Variants in RPH3A observed in about 807,000 individuals in gnomAD.
RPH3A encodes rabphilin 3A.
A neutral mutation model predicts 102.2 loss-of-function variants in RPH3A; 48 were observed. That is an observed-to-expected ratio of 0.47 (90% CI 0.37 to 0.60). RPH3A has a LOEUF of 0.60. RPH3A is among the 20% of genes least tolerant of loss of function. RPH3A has a pLI of 0.00. For missense variants in RPH3A, 781 were observed against 910.1 expected (o/e 0.86, Z 1.83); for synonymous variants, 310 against 324.3 (o/e 0.96, Z 0.47).
At chr12:112,752,269 A>G (rs2040790229) in intron 1 of RPH3A, among the ~76,000 whole-genome samples, 2 of 152,186 alleles carry the variant, frequency 1.3e-5, no homozygotes, top group Non-Finnish European at 2.9e-5. Flanking sequence ...CACAAATGGT[A>G]TGGCTCATAG....
intron 1 of RPH3A, among the ~76,000 whole-genome samples, chr12:112,614,017 GA>G (rs532862744): frequency 2.5e-4 from 38 of 152,254 alleles, no homozygotes; most frequent in African/African-American, 8.2e-4. Flanking sequence ...GATACGCTTT[GA>G]AGTTAGAGGA....
chr12:112,736,647 A>G (rs1171379407), intron 1 of RPH3A, among the ~76,000 whole-genome samples: 1 of 152,194 alleles, frequency 6.6e-6, no homozygotes, highest in Non-Finnish European at 1.5e-5. Context: ...TAAATGCCTT[A>G]AAGATTTAAA....
intron 1 of RPH3A, among the ~76,000 whole-genome samples, chr12:112,602,881 A>G (rs1701380181): frequency 1.3e-5 from 2 of 152,188 alleles, no homozygotes; most frequent in Non-Finnish European, 2.9e-5. Context: ...GGGCTCCTAC[A>G]GCAAAAGACA....
At chr12:112,710,880 C>G (rs2040456182) in intron 1 of RPH3A, among the ~76,000 whole-genome samples, 1 of 152,066 alleles carries the variant, frequency 6.6e-6, no homozygotes, top group Admixed American at 6.6e-5. Flanking sequence ...ACATGAGTCT[C>G]TTATGTAACA....
intron 1 of RPH3A, among the ~76,000 whole-genome samples, chr12:112,735,040 C>T (rs1346891094): frequency 6.6e-6 from 1 of 152,182 alleles, no homozygotes; most frequent in African/African-American, 2.4e-5. Flanking sequence ...TTTTACCCAG[C>T]CCCTATTCAA....
intron 5 of RPH3A, among the ~76,000 whole-genome samples, chr12:112,857,091 C>T (rs985025381): frequency 3.3e-5 from 5 of 152,010 alleles, no homozygotes; most frequent in East Asian, 1.9e-4. Context: ...GCCTGTGTAT[C>T]GGGAGTCTAC....
intron 2 of RPH3A, among the ~76,000 whole-genome samples, chr12:112,807,334 C>A (rs1490046246): frequency 6.6e-6 from 1 of 152,162 alleles, no homozygotes; most frequent in Non-Finnish European, 1.5e-5. Context: ...CTCTTCACAG[C>A]ACCAACTACC....
At chr12:112,680,379 T>C (rs2040218174) in intron 1 of RPH3A, among the ~76,000 whole-genome samples, 1 of 152,208 alleles carries the variant, frequency 6.6e-6, no homozygotes, top group African/African-American at 2.4e-5. Context: ...GTTTATTCAT[T>C]TGCTCTGTGG....
chr12:112,626,553 G>A (rs1260882560), intron 1 of RPH3A, among the ~76,000 whole-genome samples: 1 of 146,260 alleles, frequency 6.8e-6, no homozygotes, highest in African/African-American at 2.5e-5. Context: ...AAAAAGTCAG[G>A]AAACAACAGG....
chr12:112,803,522 A>G (rs1045646809), intron 2 of RPH3A, among the ~76,000 whole-genome samples: 1 of 151,446 alleles, frequency 6.6e-6, no homozygotes, highest in African/African-American at 2.4e-5. Context: ...ACAATTTTGC[A>G]GATGAGGACA....
chr12:112,618,460 A>C (rs1041795355), intron 1 of RPH3A, among the ~76,000 whole-genome samples: 3 of 152,142 alleles, frequency 2.0e-5, no homozygotes, highest in Non-Finnish European at 2.9e-5. Flanking sequence ...CAGTTTTGGG[A>C]TCATATCTTG....
chr12:112,580,726 G>A (rs913673238), intron 1 of RPH3A, among the ~76,000 whole-genome samples: 1 of 152,056 alleles, frequency 6.6e-6, no homozygotes, highest in Non-Finnish European at 1.5e-5. Flanking sequence ...TTTGTATACA[G>A]TATTTGAGGG....
At chr12:112,883,134 T>C (rs2042944901) in intron 15 of RPH3A, among the ~76,000 whole-genome samples, 159 bp from the exon 16 acceptor site, 1 of 151,966 alleles carries the variant, frequency 6.6e-6, no homozygotes, top group African/African-American at 2.4e-5. Flanking sequence ...CTAGAGGACA[T>C]CCCCCACTCC....
At chr12:112,680,103 G>T (rs1248468478) in intron 1 of RPH3A, among the ~76,000 whole-genome samples, 2 of 152,190 alleles carry the variant, frequency 1.3e-5, no homozygotes, top group Admixed American at 6.5e-5. Context: ...GGCAGAAAAG[G>T]CTATGGGGAT....
Position 112,896,820 on chromosome 12 carries a change from C to A in RPH3A, c.*40C>A. ...CCCCATCTCCATGTCCCGGGTCCCCCCCAGCCTGCTCTAGCTGCCCACCGC... is the reference window on the plus strand; with the variant it reads ...CCCCATCTCCATGTCCCGGGTCCCCACCAGCCTGCTCTAGCTGCCCACCGC... On this transcript the variant is annotated 3_prime_UTR_variant, in exon 22 of 22. Transcript: ENST00000389385. 6.2e-7 allele frequency: 1 copy of A among 1,611,116 alleles called. No homozygotes were observed.
At chr12:112,719,339 A>C (rs1031829829) in intron 1 of RPH3A, among the ~76,000 whole-genome samples, 1 of 152,226 alleles carries the variant, frequency 6.6e-6, no homozygotes, top group Non-Finnish European at 1.5e-5. Context: ...TCCACCAGAG[A>C]TTAATCCTGC....
chr12:112,825,942 A>G (rs931499702), intron 2 of RPH3A, among the ~76,000 whole-genome samples: 1 of 152,064 alleles, frequency 6.6e-6, no homozygotes, highest in Non-Finnish European at 1.5e-5. Context: ...AAAAATACAT[A>G]TTTTATTTTA....
intron 2 of RPH3A, among the ~76,000 whole-genome samples, chr12:112,821,295 T>G (rs1455988557): frequency 6.6e-6 from 1 of 152,204 alleles, no homozygotes; most frequent in East Asian, 1.9e-4. Context: ...CAACTCTGGA[T>G]GCATATTTGA....
chr12:112,592,629 T>C (rs2135964303), intron 1 of RPH3A, among the ~76,000 whole-genome samples: 1 of 152,352 alleles, frequency 6.6e-6, no homozygotes, highest in Middle Eastern at 3.4e-3. Context: ...GCTGTATTAA[T>C]TTTTATTTTG....
Sources: gnomAD v4.1 joint callset for allele counts (sites outside exome capture counted in the v4.1 genomes callset) on GRCh38, gnomAD v4.1.1 for gene constraint, MANE v1.5 for transcripts, NCBI Gene and HGNC (gene_info 2026-07-23, HGNC 2026-07-21) for gene names.